Variants in ELF5 observed in about 807,000 individuals in gnomAD.
ELF5 encodes the protein E74 like ETS transcription factor 5.
ELF5 carries 31 observed loss-of-function variants against 38.2 expected under a neutral mutation model. That is an observed-to-expected ratio of 0.81 (90% CI 0.61 to 1.10). The LOEUF (loss-of-function observed/expected upper bound fraction) is 1.10. ELF5 is among the 50% of genes least tolerant of loss of function. The pLI is 0.00. For synonymous variants in ELF5, 121 were observed against 112.5 expected, an observed-to-expected ratio of 1.08 and a Z score of -0.48; for missense variants, 300 against 306.6, an observed-to-expected ratio of 0.98 and a Z score of 0.16.
intron 3 of ELF5, 87 bp from the exon 4 acceptor site, chr11:34,490,146 T>C (rs1471427611): frequency 7.2e-7 from 1 of 1,396,562 alleles, no homozygotes; most frequent in Admixed American, 1.7e-5. Flanking sequence ...TGGAGGGAAG[T>C]GGAGTGACTG....
chr11:34,512,568 A>C (rs948749953), intron 1 of ELF5, among the ~76,000 whole-genome samples: 1 of 131,192 alleles, frequency 7.6e-6, no homozygotes, highest in Non-Finnish European at 1.6e-5. Context: ...CGGTTTCCTC[A>C]TCTCTAAAAT....
chr11:34,507,498 AC>A (rs1850638916), intron 1 of ELF5, among the ~76,000 whole-genome samples: 1 of 152,180 alleles, frequency 6.6e-6, no homozygotes, highest in African/African-American at 2.4e-5. Context: ...GTCCCCACAC[AC>A]TTTGGTGGCG....
At chr11:34,513,006 TGAG>T (rs1211833971) in intron 1 of ELF5, among the ~76,000 whole-genome samples, 1 of 152,150 alleles carries the variant, frequency 6.6e-6, no homozygotes, top group Admixed American at 6.5e-5. Context: ...GGCTTCAGCC[TGAG>T]GAGGGAGCTT....
chr11:34,486,635 A>C (rs1850004686), intron 4 of ELF5, among the ~76,000 whole-genome samples: 1 of 152,192 alleles, frequency 6.6e-6, no homozygotes, highest in African/African-American at 2.4e-5. Context: ...GCTTTGAGGA[A>C]ATGTGTTGGA....
At chr11:34,498,150 G>C (rs987482447) in intron 2 of ELF5, among the ~76,000 whole-genome samples, 2 of 152,006 alleles carry the variant, frequency 1.3e-5, no homozygotes, top group Admixed American at 6.5e-5. Context: ...CCTTGGACTC[G>C]TCTGCAAAAT....
chr11:34,512,354 G>A (rs1359223557), intron 1 of ELF5, among the ~76,000 whole-genome samples: 2 of 152,080 alleles, frequency 1.3e-5, no homozygotes, highest in Non-Finnish European at 2.9e-5. Flanking sequence ...AAGGTGCAGC[G>A]AAGATCCAAA....
chr11:34,504,899 G>C (rs1361542961), intron 2 of ELF5, among the ~76,000 whole-genome samples: 2 of 152,130 alleles, frequency 1.3e-5, no homozygotes, highest in Non-Finnish European at 2.9e-5. Context: ...GAACAGTGAG[G>C]GGCTCATATT....
chr11:34,489,726 T>C (rs928207493), intron 4 of ELF5, among the ~76,000 whole-genome samples: 8 of 152,194 alleles, frequency 5.3e-5, no homozygotes, highest in African/African-American at 1.9e-4. Flanking sequence ...GTGTGCATCA[T>C]TTCTCAAACT....
intron 2 of ELF5, among the ~76,000 whole-genome samples, chr11:34,503,466 C>CT (rs11398352): frequency 0.14 from 19,746 of 139,926 alleles, 1,434 homozygotes; most frequent in Admixed American, 0.22. Flanking sequence ...GCTCCCCAAC[C>CT]TTTTTTTTTT....
Position 34,493,604 on chromosome 11 carries a change from A to G in ELF5, c.230T>C (p.Ile77Thr). Residue 77 changes from isoleucine to threonine, a missense_variant, in exon 3 of 7, where the codon ATC (isoleucine) becomes ACC (threonine). Transcript: ENST00000257832. ...CDQYKLDTNCISFCNFNISGL... is the reference protein window; with the variant it reads ...CDQYKLDTNCTSFCNFNISGL... ...ACTGATGTTGAAGTTGCAGAAGGAGATGCAATTGGTGTCCAACTTGTACTG... is the reference window on the plus strand; with the variant it reads ...ACTGATGTTGAAGTTGCAGAAGGAGGTGCAATTGGTGTCCAACTTGTACTG... 4.3e-6 allele frequency: 7 copies of G among 1,614,166 alleles called. No homozygotes were observed. Among genetic ancestry groups the G allele is most frequent in the Non-Finnish European group, 5.9e-6 (7 of 1,180,036 alleles).
At chr11:34,497,801 C>T (rs1423311400) in intron 2 of ELF5, among the ~76,000 whole-genome samples, 1 of 152,106 alleles carries the variant, frequency 6.6e-6, no homozygotes, top group Non-Finnish European at 1.5e-5. Context: ...CACGGGAAGC[C>T]CAGTCAAAAT....
chr11:34,510,531 T>G (rs1850726227), intron 1 of ELF5, among the ~76,000 whole-genome samples: 1 of 152,062 alleles, frequency 6.6e-6, no homozygotes, highest in African/African-American at 2.4e-5. Context: ...TAGAGCAGGA[T>G]AGGTGTGAAA....
At position 34,484,528 on chromosome 11, in the gene ELF5, T is replaced by C. The variant is rs200131137; in HGVS notation, c.407-2029A>G. On this transcript the variant is annotated intron_variant, in intron 4 of 6. Transcript: ENST00000257832. ...CTATACTATACTATACTATACTATA[T>C]TATACTGTACAACTATCCCTGCTGC... Among the ~76,000 whole-genome samples the C allele has an allele frequency of 5.5e-3, 644 of 117,408 alleles. 6 individuals are homozygous for C. The highest frequency in any genetic ancestry group is 0.018 in the African/African-American group (591 of 33,270). 77.0% of individuals were successfully genotyped at this position (117,408 alleles called of 152,430 possible).
chr11:34,510,865 A>T (rs1185064973), intron 1 of ELF5, among the ~76,000 whole-genome samples: 1 of 152,196 alleles, frequency 6.6e-6, no homozygotes, highest in Non-Finnish European at 1.5e-5. Context: ...AGATCCACCT[A>T]GTGTCAGCGC....
chr11:34,489,994 C>A lies in ELF5; in HGVS notation c.406+15G>T, dbSNP rs2231825. ...CCTTGACAGAGCCTTGGGTGGCTTG[C>A]GCTTGGTTACTTACAGTCTTTGATG... On this transcript the variant is annotated intron_variant, in intron 4 of 6. Transcript: ENST00000257832. The A allele has an allele frequency of 0.39, 625,124 of 1,612,868 alleles. 131,415 individuals carry two copies. Among genetic ancestry groups the A allele is most frequent in the Non-Finnish European group, 0.43 (507,013 of 1,179,004 alleles).
chr11:34,480,800 T>C lies in ELF5; in HGVS notation c.643A>G (p.Thr215Ala). Residue 215 changes from threonine to alanine, a missense_variant, in exon 6 of 7, where the codon ACA (threonine) becomes GCA (alanine). Thr to Ala is a moderately conservative substitution (Grantham distance 58). Transcript: ENST00000257832. Reference sequence around the variant, plus strand: ...AGGGCTCTGCTCAACTTTTCATATGTCATTCTGTCATTTTTCTTCCTTTGT... The same window carrying C: ...AGGGCTCTGCTCAACTTTTCATATGCCATTCTGTCATTTTTCTTCCTTTGT... ...WGQRKKNDRMTYEKLSRALRY... is the reference protein window; with the variant it reads ...WGQRKKNDRMAYEKLSRALRY... 6.2e-7 allele frequency: 1 copy of C among 1,614,090 alleles called. No individual in the cohort carries two copies. The highest frequency in any genetic ancestry group is 8.5e-7 in the Non-Finnish European group (1 of 1,180,008).
chr11:34,495,399 C>A (rs990160933), intron 2 of ELF5, among the ~76,000 whole-genome samples: 3 of 152,172 alleles, frequency 2.0e-5, no homozygotes, highest in South Asian at 2.1e-4. Flanking sequence ...GGGTCCTCTG[C>A]CTGTCAGGTG....
chr11:34,508,504 CA>C (rs1428877772), intron 1 of ELF5, among the ~76,000 whole-genome samples: 3 of 146,276 alleles, frequency 2.1e-5, no homozygotes, highest in Non-Finnish European at 4.5e-5. Context: ...CTATGTCTCA[CA>C]AAAAAATAAA....
intron 3 of ELF5, 126 bp downstream of exon 3, chr11:34,493,353 G>C: frequency 1.1e-6 from 1 of 883,846 alleles, no homozygotes. Flanking sequence ...TTGAAGGTTT[G>C]GATTAACGAG....
Sources: gnomAD v4.1 joint callset for allele counts (sites outside exome capture counted in the v4.1 genomes callset) on GRCh38, gnomAD v4.1.1 for gene constraint, MANE v1.5 for transcripts, NCBI Gene and HGNC (gene_info 2026-07-23, HGNC 2026-07-21) for gene names.